CD2AP: variants seen among roughly 807,000 people sequenced by gnomAD.
CD2AP encodes CD2 associated protein, also known as CD2-associated protein.
CD2AP carries 46 observed loss-of-function variants against 85.1 expected under a neutral mutation model. The ratio of observed to expected loss-of-function variants is 0.54; its 90% confidence interval spans 0.43 to 0.69. CD2AP has a LOEUF of 0.69. Among genes scored for constraint, CD2AP ranks in the 30% least tolerant of loss-of-function variants. The pLI is 0.00. For missense variants in CD2AP, 769 were observed against 729.5 expected (o/e 1.05, Z -0.62); for synonymous variants, 255 against 252.9 (o/e 1.01, Z -0.08).
intron 15 of CD2AP, 49 bp from the exon 16 acceptor site, chr6:47,609,074 G>A (rs1418956463): frequency 1.0e-5 from 14 of 1,363,118 alleles, no homozygotes; most frequent in East Asian, 5.0e-5. Context: ...TCTTTCGAAC[G>A]TAAATATAAT....
intron 17 of CD2AP, among the ~76,000 whole-genome samples, chr6:47,615,024 T>C (rs970399256): frequency 3.9e-5 from 6 of 152,244 alleles, no homozygotes; most frequent in African/African-American, 9.6e-5. Flanking sequence ...GAGAAAGTTG[T>C]ATCCTACCTT....
Position 47,624,679 on chromosome 6 carries a change from C to CTGTGTGTG in CD2AP, c.*488_*495dup, listed in dbSNP as rs60486147. On this transcript the variant is annotated 3_prime_UTR_variant, in exon 18 of 18. Coordinates refer to ENST00000359314, the MANE Select transcript of CD2AP (RefSeq NM_012120.3). ...CCATAATGCATAAGGGATATAAACTCTGTGTGTGTGTGTGTGTGTGTGTGT... is the reference window on the plus strand; with the variant it reads ...CCATAATGCATAAGGGATATAAACTCTGTGTGTGTGTGTGTGTGTGTGTGTGTGTGTGT... The CTGTGTGTG allele has an allele frequency of 0.022, 2,670 of 121,270 alleles. 48 individuals carry two copies. The highest frequency in any genetic ancestry group is 0.051 in the African/African-American group (1,391 of 27,482). 7.5% of individuals were successfully genotyped at this position (121,270 alleles called of 1,614,324 possible).
At chr6:47,614,343 C>T (rs1034142102) in intron 17 of CD2AP, among the ~76,000 whole-genome samples, 1 of 152,132 alleles carries the variant, frequency 6.6e-6, no homozygotes, top group Non-Finnish European at 1.5e-5. Context: ...ATTTCTTTCA[C>T]TTGAACACTT....
chr6:47,562,650 T>A, intron 5 of CD2AP: 2 of 506,366 alleles, frequency 3.9e-6, no homozygotes, highest in South Asian at 6.0e-5. Flanking sequence ...GGAGATGTAA[T>A]GGATGTTAAT....
intron 3 of CD2AP, 64 bp downstream of exon 3, chr6:47,533,819 C>A: frequency 6.5e-7 from 1 of 1,538,432 alleles, no homozygotes; most frequent in South Asian, 1.2e-5. Flanking sequence ...ATAACTGTGT[C>A]TAAATTAAGA....
chr6:47,611,607 TTC>T lies in CD2AP; in HGVS notation c.1815-864_1815-863del, dbSNP rs534124306. ...TATGTATTTTTTCTTCATGAATTTT[TTC>T]TTTTTTACTTTTTCAAGCTGTTATT... is the stretch of plus-strand genomic sequence containing the variant. On this transcript the variant is annotated intron_variant, in intron 16 of 17. Transcript: ENST00000359314. 4.4e-3 allele frequency among the ~76,000 whole-genome samples: 676 copies of T among 152,050 alleles called. 5 individuals carry two copies. Among genetic ancestry groups the T allele is most frequent in the African/African-American group, 0.015 (635 of 41,554 alleles).
chr6:47,580,388 T>C (rs1199141406), intron 9 of CD2AP, among the ~76,000 whole-genome samples: 1 of 152,120 alleles, frequency 6.6e-6, no homozygotes, highest in Non-Finnish European at 1.5e-5. Context: ...ACTGTTCCTT[T>C]GAGAGTTCCA....
Position 47,580,903 on chromosome 6 carries a change from A to T in CD2AP, c.1045+3A>T. 4 of 1,596,088 alleles carry T rather than the reference A, an allele frequency of 2.5e-6. No homozygotes were observed. The highest frequency in any genetic ancestry group is 2.6e-6 in the Non-Finnish European group (3 of 1,163,756). On this transcript the variant is annotated splice_donor_region_variant and intron_variant, in intron 10 of 17. Coordinates refer to ENST00000359314, the MANE Select transcript of CD2AP (RefSeq NM_012120.3). Reference sequence around the variant, plus strand: ...ACCACCTCCTGCTAAGGCTCCAGGTATGTAAGAAGCATATTATTCAGTTTG... The same window carrying T: ...ACCACCTCCTGCTAAGGCTCCAGGTTTGTAAGAAGCATATTATTCAGTTTG...
intron 2 of CD2AP, among the ~76,000 whole-genome samples, chr6:47,503,818 C>G (rs973225873): frequency 1.3e-5 from 2 of 152,042 alleles, no homozygotes; most frequent in African/African-American, 4.8e-5. Context: ...GATAGTAGCC[C>G]CATTTTAAAT....
intron 1 of CD2AP, among the ~76,000 whole-genome samples, chr6:47,493,809 A>G (rs893609147): frequency 2.6e-5 from 4 of 151,980 alleles, no homozygotes; most frequent in African/African-American, 4.8e-5. Flanking sequence ...CCTCTCTTCA[A>G]GCTTACTGAT....
rs960682411 is a variant in CD2AP at position 47,478,298 on chromosome 6, G to A, written c.4+50G>A. The A allele has an allele frequency of 3.2e-6, 5 of 1,560,966 alleles. No homozygotes were observed. In the East Asian group the frequency reaches 9.5e-5, roughly 30 times the overall value. ...CGCCCGTCCGGACCTTCCAGACCCG[G>A]GGAGGCTGTGCCCTTTCTCGGCCTT... On this transcript the variant is annotated intron_variant, in intron 1 of 17. Coordinates refer to ENST00000359314, the MANE Select transcript of CD2AP (RefSeq NM_012120.3).
chr6:47,578,038 CTTT>C (rs1316213321), intron 8 of CD2AP, among the ~76,000 whole-genome samples: 1 of 131,432 alleles, frequency 7.6e-6, no homozygotes, highest in Non-Finnish European at 1.8e-5. Context: ...ACATAGTTAC[CTTT>C]TTTGTTTTAG....
At chr6:47,576,636 T>C (rs1768321984) in intron 7 of CD2AP, 34 bp downstream of exon 7, 11 of 1,390,290 alleles carry the variant, frequency 7.9e-6, no homozygotes, top group African/African-American at 5.7e-5. Context: ...ATATTGGGAA[T>C]AGTAGAAACA....
At chr6:47,518,924 G>A (rs1432357787) in intron 2 of CD2AP, among the ~76,000 whole-genome samples, 1 of 150,366 alleles carries the variant, frequency 6.7e-6, no homozygotes, top group Non-Finnish European at 1.5e-5. Flanking sequence ...AAAGAGACAC[G>A]GTAGTACTGT....
chr6:47,610,971 A>ATATATATATATATTTTTTT, intron 16 of CD2AP, among the ~76,000 whole-genome samples: 2 of 112,868 alleles, frequency 1.8e-5, no homozygotes, highest in African/African-American at 3.6e-5. Context: ...ATATATATGT[A>ATATATATATATATTTTTTT]TTTTTTTTTT....
Position 47,503,332 on chromosome 6 carries a change from T to G in CD2AP, c.57T>G (p.Thr19=). 6.2e-7 allele frequency: 1 copy of G among 1,613,770 alleles called. No individual in the cohort carries two copies. Residue 19 remains threonine (T), a synonymous_variant, in exon 2 of 18, where the codon ACT becomes ACG. Transcript: ENST00000359314. ...DYDAVHDDEL[T]IRVGEIIRNV... is the part of the protein sequence containing the mutation. ...ATGCTGTACATGATGATGAATTAAC[T>G]ATTCGAGTTGGAGAAATCATCAGGA...
At chr6:47,557,095 A>G (rs1260542792) in intron 5 of CD2AP, among the ~76,000 whole-genome samples, 1 of 150,630 alleles carries the variant, frequency 6.6e-6, no homozygotes, top group African/African-American at 2.4e-5. Flanking sequence ...GCTTTTTTTC[A>G]TAGGTTTGTT....
chr6:47,534,044 C>T (rs2114026509), intron 3 of CD2AP, among the ~76,000 whole-genome samples: 1 of 152,254 alleles, frequency 6.6e-6, no homozygotes, highest in Admixed American at 6.5e-5. Flanking sequence ...TATTTTAATA[C>T]CATTTATTTA....
intron 1 of CD2AP, among the ~76,000 whole-genome samples, chr6:47,479,849 G>A (rs1765400939): frequency 6.6e-6 from 1 of 151,066 alleles, no homozygotes; most frequent in African/African-American, 2.4e-5. Context: ...TTTTGGATGT[G>A]CTTGTAACTG....
Sources: allele counts gnomAD v4.1 joint callset (sites outside exome capture counted in the v4.1 genomes callset), GRCh38; gene constraint gnomAD v4.1.1; transcripts MANE v1.5; gene names NCBI Gene and HGNC (gene_info 2026-07-23, HGNC 2026-07-21).